The following DCK variants were observed in gnomAD, a reference collection of about 807,000 sequenced individuals.
DCK encodes deoxycytidine kinase.
In DCK, 23 loss-of-function variants were observed where a neutral mutation model predicts 38.3. That is an observed-to-expected ratio of 0.60 (90% CI 0.43 to 0.85). DCK has a LOEUF of 0.85. Ranked by LOEUF, DCK falls within the 40% of genes least tolerant of loss-of-function variation. The probability of loss-of-function intolerance (pLI) is 0.00; values close to 1 mark genes in which losing one functional copy is unlikely to be tolerated. For synonymous variants in DCK, 108 were observed against 100.6 expected, an observed-to-expected ratio of 1.07 and a Z score of -0.44; for missense variants, 259 against 304.4, an observed-to-expected ratio of 0.85 and a Z score of 1.11.
rs1282816679 is a variant in DCK at position 70,993,725 on chromosome 4, C to G, written c.-111C>G. The G allele has an allele frequency of 4.3e-6, 3 of 700,530 alleles. 1 individual carries two copies. The highest frequency in any genetic ancestry group is 3.7e-5 in the South Asian group (2 of 54,596). The allele number at this position is 700,530 out of a possible 1,614,324, so 43.4% of individuals were successfully genotyped here. ...CGGGCCGGTGAGCTCACTAGCTGACCCGGCAGGTCAGGATCTGGCTTAGCG... is the reference window on the plus strand; with the variant it reads ...CGGGCCGGTGAGCTCACTAGCTGACGCGGCAGGTCAGGATCTGGCTTAGCG... On this transcript the variant is annotated 5_prime_UTR_variant, in exon 1 of 7. Coordinates refer to ENST00000286648, the MANE Select transcript of DCK (RefSeq NM_000788.3).
At chr4:70,996,011 G>A (rs1456774507) in intron 1 of DCK, among the ~76,000 whole-genome samples, 1 of 152,032 alleles carries the variant, frequency 6.6e-6, no homozygotes. Flanking sequence ...TTTGAGACTA[G>A]CATGGCAACA....
At chr4:71,009,146 G>GTA (rs1290962136) in intron 2 of DCK, among the ~76,000 whole-genome samples, 1 of 152,204 alleles carries the variant, frequency 6.6e-6, no homozygotes, top group African/African-American at 2.4e-5. Context: ...AATTTCTCAT[G>GTA]TATTCCATAA....
intron 2 of DCK, among the ~76,000 whole-genome samples, chr4:71,017,514 G>T (rs1446566231): frequency 6.6e-6 from 1 of 152,038 alleles, no homozygotes; most frequent in African/African-American, 2.4e-5. Flanking sequence ...CAATAGCAAA[G>T]ACTTGGAACC....
intron 4 of DCK, among the ~76,000 whole-genome samples, chr4:71,024,419 A>T (rs560889520): frequency 3.9e-5 from 6 of 152,226 alleles, no homozygotes; most frequent in Admixed American, 3.9e-4. Context: ...AAGATCTTAC[A>T]TTTAATCAGA....
rs1740652405 is a variant in DCK at position 71,030,217 on chromosome 4, TAAC to T, written c.*840_*842del. Reference sequence around the variant, plus strand: ...CATCCATTAATTAATGAGACACACTTAACTACTTATCTCTAAACCATCTATGTG... The same window carrying T: ...CATCCATTAATTAATGAGACACACTTTACTTATCTCTAAACCATCTATGTG... On this transcript the variant is annotated 3_prime_UTR_variant, in exon 7 of 7. Coordinates refer to ENST00000286648, the MANE Select transcript of DCK (RefSeq NM_000788.3). The T allele has an allele frequency of 2.0e-5, 3 of 152,444 alleles. No homozygotes were observed. The highest frequency in any genetic ancestry group is 2.0e-4 in the Admixed American group (3 of 15,274). 9.4% of individuals were successfully genotyped at this position (152,444 alleles called of 1,614,324 possible). A position where few individuals can be genotyped will look rare whatever the true frequency, so the allele number is the denominator to read the frequency against.
At chr4:71,027,015 G>C (rs952425171) in intron 6 of DCK, among the ~76,000 whole-genome samples, 1 of 151,612 alleles carries the variant, frequency 6.6e-6, no homozygotes, top group African/African-American at 2.4e-5. Flanking sequence ...AATAAAATAA[G>C]GATTTTTTTT....
intron 2 of DCK, among the ~76,000 whole-genome samples, chr4:71,007,574 T>C (rs778249892): frequency 6.6e-6 from 1 of 152,268 alleles, no homozygotes; most frequent in Non-Finnish European, 1.5e-5. Context: ...TAGTTTTGTC[T>C]ATTTTTGAAT....
At chr4:71,021,367 G>C (rs1375640863) in intron 2 of DCK, among the ~76,000 whole-genome samples, 6 of 152,166 alleles carry the variant, frequency 3.9e-5, no homozygotes, top group Admixed American at 3.9e-4. Context: ...GAGCCACCGC[G>C]CCCGGCCTGC....
At chr4:71,011,385 T>A (rs536748513) in intron 2 of DCK, among the ~76,000 whole-genome samples, 2 of 152,132 alleles carry the variant, frequency 1.3e-5, no homozygotes, top group African/African-American at 4.8e-5. Flanking sequence ...TTTTTTTGAG[T>A]CTTGCTTTAT....
intron 2 of DCK, among the ~76,000 whole-genome samples, chr4:71,004,191 A>G (rs1307073260): frequency 3.9e-5 from 6 of 151,998 alleles, no homozygotes; most frequent in Non-Finnish European, 8.8e-5. Context: ...TTTGTTTGTT[A>G]GTTTCCTTCT....
chr4:71,029,684 C>CT lies in DCK; in HGVS notation c.*307dup. ...ACATTATAAAAGATCCAGCTTCCTT[C>CT]TGTCATTCCCCTCTTTTGTCTTCCT... On this transcript the variant is annotated 3_prime_UTR_variant, in exon 7 of 7. Coordinates refer to ENST00000286648, the MANE Select transcript of DCK (RefSeq NM_000788.3). The CT allele has an allele frequency of 3.8e-6, 1 of 260,322 alleles. No homozygotes were observed. The highest frequency in any genetic ancestry group is 7.3e-6 in the Non-Finnish European group (1 of 137,820). 16.1% of individuals were successfully genotyped at this position (260,322 alleles called of 1,614,324 possible).
At chr4:71,001,893 C>G (rs188498060) in intron 2 of DCK, among the ~76,000 whole-genome samples, 1 of 152,124 alleles carries the variant, frequency 6.6e-6, no homozygotes, top group Non-Finnish European at 1.5e-5. Context: ...AGTGGTCTAT[C>G]TATTTTGTTA....
intron 2 of DCK, among the ~76,000 whole-genome samples, chr4:71,006,667 G>T (rs1424741226): frequency 6.6e-6 from 1 of 152,080 alleles, no homozygotes. Context: ...AATTAGCTAG[G>T]TGTGGTAGCC....
At chr4:71,024,060 G>A (rs1740492200) in intron 4 of DCK, among the ~76,000 whole-genome samples, 1 of 152,180 alleles carries the variant, frequency 6.6e-6, no homozygotes, top group Non-Finnish European at 1.5e-5. Context: ...GGGACCTTGG[G>A]CATTTTGATT....
At chr4:71,022,746 TATA>T (rs1740461394) in intron 3 of DCK, among the ~76,000 whole-genome samples, 186 bp downstream of exon 3, 1 of 152,216 alleles carries the variant, frequency 6.6e-6, no homozygotes, top group African/African-American at 2.4e-5. Context: ...TTATTGCATT[TATA>T]ATCCTCAGCT....
chr4:71,029,525 T>G lies in DCK; in HGVS notation c.*147T>G, dbSNP rs1383151508. 5 of 642,962 alleles carry G rather than the reference T, an allele frequency of 7.8e-6. No individual in the cohort carries two copies. Among genetic ancestry groups the G allele is most frequent in the African/African-American group, 1.9e-5 (1 of 53,244 alleles). The allele number at this position is 642,962 out of a possible 1,614,324, so 39.8% of individuals were successfully genotyped here. On this transcript the variant is annotated 3_prime_UTR_variant, in exon 7 of 7. Coordinates refer to ENST00000286648, the MANE Select transcript of DCK (RefSeq NM_000788.3). ...GGAAAAAAGATTTTTAAAATGAATC[T>G]TATGCAAAACTTTTTGACCAGTTTC...
chr4:71,029,141 A>G (rs1396858088), intron 6 of DCK, among the ~76,000 whole-genome samples: 1 of 152,066 alleles, frequency 6.6e-6, no homozygotes, highest in South Asian at 2.1e-4. Context: ...TGATCCACCC[A>G]TCTCGGCCTC....
intron 2 of DCK, among the ~76,000 whole-genome samples, chr4:71,012,532 A>G (rs1740129238): frequency 1.3e-5 from 2 of 152,194 alleles, no homozygotes; most frequent in African/African-American, 4.8e-5. Flanking sequence ...GGGGAGACTG[A>G]CACCTCATAC....
At chr4:71,011,471 C>T (rs1389802000) in intron 2 of DCK, among the ~76,000 whole-genome samples, 1 of 152,128 alleles carries the variant, frequency 6.6e-6, no homozygotes, top group East Asian at 1.9e-4. Flanking sequence ...ATCCTCCCAC[C>T]TCAGCCTCCT....
Sources: allele counts gnomAD v4.1 joint callset (sites outside exome capture counted in the v4.1 genomes callset), GRCh38; gene constraint gnomAD v4.1.1; transcripts MANE v1.5; gene names NCBI Gene and HGNC (gene_info 2026-07-23, HGNC 2026-07-21).